Variants in FOXP2 observed in about 807,000 individuals in gnomAD.
FOXP2 encodes the protein forkhead box protein P2.
A neutral mutation model predicts 115.8 loss-of-function variants in FOXP2; 12 were observed. The ratio of observed to expected loss-of-function variants is 0.10; its 90% confidence interval spans 0.07 to 0.17. The LOEUF is 0.17. Among genes scored for constraint, FOXP2 ranks in the 10% least tolerant of loss-of-function variants. FOXP2 has a pLI of 1.00. For synonymous variants in FOXP2, 328 were observed against 297.7 expected (o/e 1.10, Z -1.05); for missense variants, 629 against 843.5 (o/e 0.75, Z 3.15).
In FOXP2 at chr7:114,310,315, T is replaced by C. The variant is rs563912234; in HGVS notation, c.-11+22206T>C. On this transcript the variant is annotated intron_variant, in intron 2 of 17. Transcript: ENST00000634411. ...GCCACTTGTTCATATAAAATTGAGA[T>C]GCCACTAGGTCTAGGCTAGCTGGCT... Among the ~76,000 whole-genome samples the C allele has an allele frequency of 2.2e-4, 33 of 152,270 alleles. No individual in the cohort carries two copies. In the Middle Eastern group the frequency reaches 0.01, roughly 47 times the overall value.
intron 1 of FOXP2, among the ~76,000 whole-genome samples, chr7:114,267,150 G>A (rs1426871166): frequency 6.6e-6 from 1 of 152,042 alleles, no homozygotes; most frequent in Middle Eastern, 3.2e-3. Context: ...TTTCTATAGA[G>A]CATGTACCCT....
intron 3 of FOXP2, among the ~76,000 whole-genome samples, chr7:114,613,147 A>C (rs1041950671): frequency 1.3e-5 from 2 of 152,180 alleles, no homozygotes; most frequent in African/African-American, 4.8e-5. Context: ...TATAATCTTA[A>C]TGTGCATCAT....
intron 1 of FOXP2, among the ~76,000 whole-genome samples, chr7:114,110,417 T>A (rs1791238633): frequency 1.3e-5 from 2 of 152,164 alleles, no homozygotes; most frequent in Non-Finnish European, 2.9e-5. Flanking sequence ...CATCTTTAAA[T>A]TATCATAGGC....
chr7:114,539,739 C>T (rs1799565686), intron 3 of FOXP2, among the ~76,000 whole-genome samples: 1 of 152,042 alleles, frequency 6.6e-6, no homozygotes, highest in Non-Finnish European at 1.5e-5. Flanking sequence ...CCATGACCAG[C>T]TGCTCAAGGC....
intron 2 of FOXP2, among the ~76,000 whole-genome samples, chr7:114,363,637 A>C (rs1791805075): frequency 6.6e-6 from 1 of 152,134 alleles, no homozygotes; most frequent in South Asian, 2.1e-4. Flanking sequence ...AATGAAGAAA[A>C]AACACAACAA....
At chr7:114,331,536 G>A (rs1797713403) in intron 2 of FOXP2, among the ~76,000 whole-genome samples, 1 of 152,120 alleles carries the variant, frequency 6.6e-6, no homozygotes, top group Non-Finnish European at 1.5e-5. Flanking sequence ...CATTGGATTG[G>A]CTGTGGAGGA....
At chr7:114,634,931 G>C (rs73440408) in intron 6 of FOXP2, among the ~76,000 whole-genome samples, 3,049 of 152,108 alleles carry the variant, frequency 0.02, 107 homozygotes, top group African/African-American at 0.07. Context: ...ATGTGGTGAT[G>C]ATTTTCTGTC....
intron 1 of FOXP2, among the ~76,000 whole-genome samples, chr7:114,211,926 A>G (rs568683369): frequency 6.6e-6 from 1 of 152,168 alleles, no homozygotes; most frequent in Admixed American, 6.5e-5. Context: ...TACAAAAATT[A>G]GCTGGACGTA....
chr7:114,693,179 G>A lies in FOXP2; in HGVS notation c.*3253G>A. On this transcript the variant is annotated 3_prime_UTR_variant, in exon 17 of 17. Coordinates refer to ENST00000350908, the MANE Select transcript of FOXP2 (RefSeq NM_014491.4). ...TTAAAATTTTATGTGAATGTTACAA[G>A]TATTTGGTAGAATTACCACTAACTG... The A allele has an allele frequency of 2.2e-6, 1 of 453,456 alleles. No individual in the cohort carries two copies. Among genetic ancestry groups the A allele is most frequent in the Non-Finnish European group, 4.4e-6 (1 of 226,522 alleles). 28.1% of individuals were successfully genotyped at this position (453,456 alleles called of 1,614,324 possible).
At chr7:114,389,026 T>C (rs748629162) in intron 2 of FOXP2, among the ~76,000 whole-genome samples, 1 of 152,226 alleles carries the variant, frequency 6.6e-6, no homozygotes, top group Non-Finnish European at 1.5e-5. Flanking sequence ...ACAGTAATTA[T>C]GAAATGTGGA....
intron 1 of FOXP2, among the ~76,000 whole-genome samples, chr7:114,218,648 TA>T (rs1345600136): frequency 1.3e-5 from 2 of 152,030 alleles, no homozygotes; most frequent in African/African-American, 4.8e-5. Flanking sequence ...TAAAAACAAG[TA>T]AAAAATAATC....
chr7:114,470,438 A>G (rs958216816), intron 2 of FOXP2, among the ~76,000 whole-genome samples: 3 of 152,118 alleles, frequency 2.0e-5, no homozygotes, highest in Non-Finnish European at 2.9e-5. Context: ...ACTTATTACT[A>G]TTTATGATTA....
At chr7:114,534,585 A>G (rs770240521) in intron 2 of FOXP2, 32 bp from the exon 3 acceptor site, 16 of 1,581,596 alleles carry the variant, frequency 1.0e-5, no homozygotes, top group Admixed American at 1.7e-5. Flanking sequence ...TTTCAACAAA[A>G]TATTTAGATA....
chr7:114,419,140 A>G (rs1262866900), intron 1 of FOXP2, among the ~76,000 whole-genome samples: 1 of 151,960 alleles, frequency 6.6e-6, no homozygotes, highest in Non-Finnish European at 1.5e-5. Context: ...AGGTATATGT[A>G]TGTCAAGTAT....
chr7:114,472,921 T>C (rs1023177418), intron 2 of FOXP2, among the ~76,000 whole-genome samples: 1 of 152,106 alleles, frequency 6.6e-6, no homozygotes, highest in African/African-American at 2.4e-5. Context: ...CTCTCAACAC[T>C]TGGTAGTAGA....
chr7:114,657,891 T>C lies in FOXP2; in HGVS notation c.1267-175T>C, dbSNP rs549385583. Among the ~76,000 whole-genome samples the C allele has an allele frequency of 4.6e-5, 7 of 152,292 alleles. No homozygotes were observed. The East Asian group carries it at 1.4e-3, about 29-fold the overall frequency. On this transcript the variant is annotated intron_variant, in intron 10 of 16. Coordinates refer to ENST00000350908, the MANE Select transcript of FOXP2 (RefSeq NM_014491.4). The stretch of plus-strand genomic sequence containing the variant: ...ATAACCTCTAACAGAATCCTCTAAT[T>C]AGAGTTCTTATGATACAATTTCATC...
At chr7:114,333,821 T>C (rs755671909) in intron 2 of FOXP2, among the ~76,000 whole-genome samples, 9 of 151,298 alleles carry the variant, frequency 5.9e-5, no homozygotes, top group South Asian at 4.2e-4. Context: ...CCAGTAGGCA[T>C]AGGGTGCATT....
intron 3 of FOXP2, among the ~76,000 whole-genome samples, chr7:114,572,064 A>T (rs1350709254): frequency 6.6e-6 from 1 of 151,840 alleles, no homozygotes; most frequent in Non-Finnish European, 1.5e-5. Flanking sequence ...TGAAGAAGAA[A>T]TATCTAATTT....
At chr7:114,204,735 C>A (rs944180138) in intron 1 of FOXP2, among the ~76,000 whole-genome samples, 1 of 152,028 alleles carries the variant, frequency 6.6e-6, no homozygotes, top group Non-Finnish European at 1.5e-5. Flanking sequence ...TTGCTAGTAG[C>A]TAAATAATCT....
Sources: allele counts gnomAD v4.1 joint callset (sites outside exome capture counted in the v4.1 genomes callset), GRCh38; gene constraint gnomAD v4.1.1; transcripts MANE v1.5; gene names NCBI Gene and HGNC (gene_info 2026-07-23, HGNC 2026-07-21).